Variants in IMMP2L observed in about 807,000 individuals in gnomAD.
IMMP2L encodes inner mitochondrial membrane peptidase subunit 2, also known as mitochondrial inner membrane protease subunit 2.
A neutral mutation model predicts 19.3 loss-of-function variants in IMMP2L; 18 were observed. The observed-to-expected ratio is 0.93, with a 90% CI of 0.64 to 1.38. The LOEUF (loss-of-function observed/expected upper bound fraction) is 1.38, where lower values mean the gene tolerates loss of function less well. Ranked by LOEUF, IMMP2L falls within the 40% of genes most tolerant of loss-of-function variation. The probability of loss-of-function intolerance (pLI) is 0.00; values close to 1 mark genes in which losing one functional copy is unlikely to be tolerated. For missense variants in IMMP2L, 233 were observed against 218.2 expected, an observed-to-expected ratio of 1.07 and a Z score of -0.43; for synonymous variants, 76 against 73.0, an observed-to-expected ratio of 1.04 and a Z score of -0.21.
chr7:110,735,822 G>C (rs1449164027), intron 5 of IMMP2L, among the ~76,000 whole-genome samples: 1 of 130,272 alleles, frequency 7.7e-6, no homozygotes, highest in Non-Finnish European at 1.6e-5. Context: ...ACTCCAGCCT[G>C]GGTGACAGAG....
At chr7:111,242,426 T>G (rs1018759306) in intron 3 of IMMP2L, among the ~76,000 whole-genome samples, 2 of 152,046 alleles carry the variant, frequency 1.3e-5, no homozygotes, top group African/African-American at 4.8e-5. Flanking sequence ...TAGCTCCAAC[T>G]CCAGAGCACA....
At chr7:110,801,885 G>A (rs17400029) in intron 5 of IMMP2L, among the ~76,000 whole-genome samples, 11,301 of 152,120 alleles carry the variant, frequency 0.074, 553 homozygotes, top group Non-Finnish European at 0.11. Flanking sequence ...GCCTATCTCT[G>A]TGCTGACAGC....
At position 111,213,480 on chromosome 7, in the gene IMMP2L, C is replaced by T. The variant is rs915235185; in HGVS notation, c.240-249915G>A. ...TCCCTAGCAAGGCCCCACCTTCAAG[C>T]TGGGGAGGGCCTGAAGCCCTCCAGG... On this transcript the variant is annotated intron_variant, in intron 3 of 5. Transcript: ENST00000405709. The surrounding 1 kb of genome is among the most constrained non-coding windows in gnomAD (Gnocchi z 4.8). Among the ~76,000 whole-genome samples, 1 of 152,156 alleles carries T rather than the reference C, an allele frequency of 6.6e-6. No individual in the cohort carries two copies. Among genetic ancestry groups the T allele is most frequent in the Non-Finnish European group, 1.5e-5 (1 of 68,032 alleles).
At chr7:110,679,611 C>T (rs761413885) in intron 5 of IMMP2L, among the ~76,000 whole-genome samples, 7 of 151,962 alleles carry the variant, frequency 4.6e-5, no homozygotes, top group Non-Finnish European at 8.8e-5. Flanking sequence ...GGGATGACAA[C>T]GTATCTGGTA....
intron 3 of IMMP2L, among the ~76,000 whole-genome samples, chr7:110,979,770 A>T (rs1821073502): frequency 6.6e-6 from 1 of 152,178 alleles, no homozygotes; most frequent in South Asian, 2.1e-4. Flanking sequence ...AAATGCCCTA[A>T]CAGACACCTC....
chr7:111,234,346 T>C (rs1472875753), intron 3 of IMMP2L, among the ~76,000 whole-genome samples: 3 of 152,138 alleles, frequency 2.0e-5, no homozygotes, highest in Non-Finnish European at 4.4e-5. Context: ...CTTCTATGTC[T>C]GTATCTATTT....
Position 110,921,122 on chromosome 7 carries a change from A to C in IMMP2L, c.306-34427T>G, listed in dbSNP as rs573134431. ...ATATTTATTTTTGTTTATGTTTTGA[A>C]GCATTTAAGTGAGATAAGCTTTGTT... On this transcript the variant is annotated intron_variant, in intron 4 of 5. Coordinates refer to ENST00000405709, the MANE Select transcript of IMMP2L (RefSeq NM_032549.4). Among the ~76,000 whole-genome samples, 7 of 152,362 alleles carry C rather than the reference A, an allele frequency of 4.6e-5. No individual in the cohort carries two copies. The East Asian group carries it at 1.3e-3, about 29-fold the overall frequency.
chr7:111,003,420 A>G (rs938924027), intron 3 of IMMP2L, among the ~76,000 whole-genome samples: 1 of 152,192 alleles, frequency 6.6e-6, no homozygotes, highest in South Asian at 2.1e-4. Flanking sequence ...GAGTCATACA[A>G]AAACCTTCTG....
chr7:111,346,384 C>A (rs181163090), intron 3 of IMMP2L, among the ~76,000 whole-genome samples: 24 of 152,250 alleles, frequency 1.6e-4, no homozygotes, highest in Non-Finnish European at 3.1e-4. Context: ...AGAGACACTA[C>A]TGAGCATCTG....
intron 1 of IMMP2L, among the ~76,000 whole-genome samples, chr7:111,543,336 C>T (rs560843866): frequency 6.6e-6 from 1 of 152,238 alleles, no homozygotes; most frequent in East Asian, 1.9e-4. Context: ...CTGATGTTAA[C>T]CACTGTACTA....
intron 3 of IMMP2L, among the ~76,000 whole-genome samples, chr7:111,184,768 A>AGTGTGTGTGT: frequency 6.6e-6 from 1 of 151,130 alleles, no homozygotes; most frequent in South Asian, 2.1e-4. Context: ...ATGTTTAAAA[A>AGTGTGTGTGT]GTGTGTGTGT....
intron 3 of IMMP2L, among the ~76,000 whole-genome samples, chr7:111,445,551 G>A (rs1298820823): frequency 6.6e-6 from 1 of 152,110 alleles, no homozygotes; most frequent in East Asian, 1.9e-4. Flanking sequence ...AGGACTAATG[G>A]AGAATTAGAA....
intron 3 of IMMP2L, among the ~76,000 whole-genome samples, chr7:111,233,141 T>C (rs1230374096): frequency 2.6e-5 from 4 of 152,130 alleles, no homozygotes; most frequent in Non-Finnish European, 4.4e-5. Context: ...GTACACTTTA[T>C]CCAATGAACG....
intron 5 of IMMP2L, among the ~76,000 whole-genome samples, chr7:110,765,236 A>G (rs1390439922): frequency 6.6e-6 from 1 of 152,208 alleles, no homozygotes; most frequent in African/African-American, 2.4e-5. Context: ...TTCTATGCCT[A>G]TAATAAATTA....
intron 3 of IMMP2L, among the ~76,000 whole-genome samples, chr7:111,330,510 GA>G (rs202112167): frequency 4.4e-4 from 65 of 146,602 alleles, no homozygotes; most frequent in East Asian, 7.9e-4. Flanking sequence ...GGGGTGGGGG[GA>G]AAAAAAAAAC....
intron 3 of IMMP2L, among the ~76,000 whole-genome samples, chr7:111,184,689 G>C (rs892708467): frequency 6.6e-6 from 1 of 152,014 alleles, no homozygotes; most frequent in Non-Finnish European, 1.5e-5. Flanking sequence ...CCTGACTTCT[G>C]TTGTTACCTA....
At chr7:111,038,715 A>G (rs1791591882) in intron 3 of IMMP2L, among the ~76,000 whole-genome samples, 1 of 152,192 alleles carries the variant, frequency 6.6e-6, no homozygotes, top group Non-Finnish European at 1.5e-5. Context: ...TATGGAGAAG[A>G]GTACCATTTT....
intron 2 of IMMP2L, among the ~76,000 whole-genome samples, chr7:111,493,357 T>C (rs1843269604): frequency 6.6e-6 from 1 of 152,126 alleles, no homozygotes; most frequent in African/African-American, 2.4e-5. Context: ...CCTATGGCAC[T>C]ATAAGAACCA....
At chr7:111,325,884 G>C (rs1563061306) in intron 3 of IMMP2L, among the ~76,000 whole-genome samples, 1 of 151,580 alleles carries the variant, frequency 6.6e-6, no homozygotes. Context: ...TAGAGAGGTT[G>C]AACCCCTCAT....
Sources: gnomAD v4.1 joint callset for allele counts (sites outside exome capture counted in the v4.1 genomes callset) on GRCh38, gnomAD v4.1.1 for gene constraint, Gnocchi (gnomAD v3.1) non-coding constraint, MANE v1.5 for transcripts, NCBI Gene and HGNC (gene_info 2026-07-23, HGNC 2026-07-21) for gene names.